CTNND2: variants seen among roughly 807,000 people sequenced by gnomAD.
CTNND2 encodes catenin delta-2.
In CTNND2, 22 loss-of-function variants were observed where a neutral mutation model predicts 144.4. The observed-to-expected ratio is 0.15, with a 90% CI of 0.11 to 0.22. The LOEUF is 0.22. Among genes scored for constraint, CTNND2 ranks in the 10% least tolerant of loss-of-function variants. The pLI is 1.00. For synonymous variants in CTNND2, 751 were observed against 695.6 expected, an observed-to-expected ratio of 1.08 and a Z score of -1.25; for missense variants, 1,353 against 1,618.8, an observed-to-expected ratio of 0.84 and a Z score of 2.82.
chr5:11,137,641 G>A (rs552648853), intron 12 of CTNND2, among the ~76,000 whole-genome samples: 1 of 152,194 alleles, frequency 6.6e-6, no homozygotes, highest in Non-Finnish European at 1.5e-5. Flanking sequence ...AAGAAAGCAG[G>A]TGACTGATGA....
chr5:11,682,901 T>C (rs1474504722), intron 2 of CTNND2, among the ~76,000 whole-genome samples: 3 of 152,162 alleles, frequency 2.0e-5, no homozygotes, highest in Non-Finnish European at 4.4e-5. Context: ...TATGCAACTA[T>C]GAATGAGGAG....
Position 11,318,619 on chromosome 5 carries a change from C to T in CTNND2, c.1628+27753G>A, listed in dbSNP as rs553949381. ...ATCCTTCAACCCAACTGGATTTGTTCTCATCTACTGTGCCTTTGCTTTTGT... is the reference window on the plus strand; with the variant it reads ...ATCCTTCAACCCAACTGGATTTGTTTTCATCTACTGTGCCTTTGCTTTTGT... On this transcript the variant is annotated intron_variant, in intron 9 of 21. Transcript: ENST00000304623. 3.3e-5 allele frequency among the ~76,000 whole-genome samples: 5 copies of T among 152,296 alleles called. No individual in the cohort carries two copies. In the East Asian group the frequency reaches 9.6e-4, roughly 29 times the overall value.
chr5:11,673,411 G>C (rs562561199), intron 2 of CTNND2, among the ~76,000 whole-genome samples: 14 of 152,186 alleles, frequency 9.2e-5, no homozygotes, highest in Middle Eastern at 3.4e-3. Context: ...ATTTTTGTGG[G>C]TTTTGTGGTC....
At position 11,834,630 on chromosome 5, in the gene CTNND2, A is replaced by T. The variant is rs565510109; in HGVS notation, c.37+69187T>A. Among the ~76,000 whole-genome samples the T allele has an allele frequency of 2.6e-5, 4 of 152,360 alleles. No homozygotes were observed. In the South Asian group the frequency reaches 8.3e-4, roughly 32 times the overall value. On this transcript the variant is annotated intron_variant, in intron 1 of 21. Transcript: ENST00000304623. ...CAAAGTACTCAGTAAAACTGAATAC[A>T]CAAACACCTATATTCTGCAGGATCT...
At chr5:11,078,687 G>C (rs1456169533) in intron 16 of CTNND2, among the ~76,000 whole-genome samples, 1 of 152,178 alleles carries the variant, frequency 6.6e-6, no homozygotes, top group Non-Finnish European at 1.5e-5. Context: ...AGACTGATTA[G>C]CTATTGATTT....
chr5:11,463,944 G>C (rs1766442660), intron 3 of CTNND2, among the ~76,000 whole-genome samples: 2 of 152,056 alleles, frequency 1.3e-5, no homozygotes, highest in Non-Finnish European at 2.9e-5. Flanking sequence ...GCAGGGTATA[G>C]AGATAGCCAA....
At chr5:11,122,391 C>T (rs1398561520) in intron 12 of CTNND2, among the ~76,000 whole-genome samples, 1 of 152,154 alleles carries the variant, frequency 6.6e-6, no homozygotes, top group East Asian at 1.9e-4. Flanking sequence ...CACCCGTCTA[C>T]AACCTCAGGC....
At chr5:11,308,100 A>G (rs766338326) in intron 9 of CTNND2, among the ~76,000 whole-genome samples, 1 of 152,230 alleles carries the variant, frequency 6.6e-6, no homozygotes, top group Non-Finnish European at 1.5e-5. Flanking sequence ...ACTGTGAAAA[A>G]TAAATTTATC....
At chr5:11,069,673 CAGACAGAG>C (rs3032074) in intron 16 of CTNND2, among the ~76,000 whole-genome samples, 77,103 of 145,042 alleles carry the variant, frequency 0.53, 20,540 homozygotes, top group East Asian at 0.84. Context: ...GACAGACAGA[CAGACAGAG>C]AGACAGAGAG....
chr5:11,682,634 A>G (rs1348850890), intron 2 of CTNND2, among the ~76,000 whole-genome samples: 1 of 152,206 alleles, frequency 6.6e-6, no homozygotes, highest in African/African-American at 2.4e-5. Flanking sequence ...AATACATTTC[A>G]TGATACATGG....
intron 1 of CTNND2, among the ~76,000 whole-genome samples, chr5:11,795,269 C>T (rs1469742558): frequency 2.0e-5 from 3 of 152,022 alleles, no homozygotes; most frequent in African/African-American, 4.8e-5. Context: ...CTGGAGGAAG[C>T]GACCCTTCAG....
chr5:11,010,759 G>C (rs1205627512), intron 18 of CTNND2, among the ~76,000 whole-genome samples: 1 of 152,226 alleles, frequency 6.6e-6, no homozygotes, highest in African/African-American at 2.4e-5. Context: ...ATGAATCCAA[G>C]AGCAGTAAGG....
chr5:11,094,092 T>C (rs970614805), intron 15 of CTNND2, among the ~76,000 whole-genome samples: 2 of 152,224 alleles, frequency 1.3e-5, no homozygotes, highest in Non-Finnish European at 2.9e-5. Flanking sequence ...TACATATTTA[T>C]AATTACTCCC....
At chr5:10,977,752 C>G (rs1561108999) in intron 21 of CTNND2, among the ~76,000 whole-genome samples, 3 of 152,236 alleles carry the variant, frequency 2.0e-5, no homozygotes, top group Admixed American at 1.3e-4. Context: ...TGCACCTAGT[C>G]AGTTAAGTCT....
intron 1 of CTNND2, among the ~76,000 whole-genome samples, chr5:11,859,285 C>G (rs1411398215): frequency 6.6e-6 from 1 of 152,192 alleles, no homozygotes; most frequent in Non-Finnish European, 1.5e-5. Flanking sequence ...CACATGGTGC[C>G]TTGTTTCATA....
intron 10 of CTNND2, among the ~76,000 whole-genome samples, chr5:11,215,703 T>C (rs915302873): frequency 2.0e-5 from 3 of 152,180 alleles, no homozygotes; most frequent in Non-Finnish European, 4.4e-5. Flanking sequence ...GCAAAACAAA[T>C]TATCATCCAT....
At chr5:11,185,290 C>G (rs905504805) in intron 11 of CTNND2, among the ~76,000 whole-genome samples, 1 of 152,232 alleles carries the variant, frequency 6.6e-6, no homozygotes, top group African/African-American at 2.4e-5. Flanking sequence ...CTATCTCCCT[C>G]TCCCTAACTC....
At position 11,769,170 on chromosome 5, in the gene CTNND2, C is replaced by G. The variant is rs1422919339; in HGVS notation, c.38-36898G>C. Among the ~76,000 whole-genome samples the G allele has an allele frequency of 3.3e-5, 5 of 152,186 alleles. No individual in the cohort carries two copies. In the East Asian group the frequency reaches 9.7e-4, roughly 30 times the overall value. On this transcript the variant is annotated intron_variant, in intron 1 of 21. Transcript: ENST00000304623. Reference sequence around the variant, plus strand: ...CAGGGATCCAGTCCTGGGTCACTTTCGGGACTACCTGCTCTATGCCTTGCT... The same window carrying G: ...CAGGGATCCAGTCCTGGGTCACTTTGGGGACTACCTGCTCTATGCCTTGCT...
chr5:11,170,761 A>G (rs923198206), intron 11 of CTNND2, among the ~76,000 whole-genome samples: 2 of 152,208 alleles, frequency 1.3e-5, no homozygotes, highest in Non-Finnish European at 2.9e-5. Flanking sequence ...GTCCATTTTC[A>G]TACTGCTATG....
Sources: allele counts gnomAD v4.1 joint callset (sites outside exome capture counted in the v4.1 genomes callset), GRCh38; gene constraint gnomAD v4.1.1; transcripts MANE v1.5; gene names NCBI Gene and HGNC (gene_info 2026-07-23, HGNC 2026-07-21).